The following DPP4 variants were observed in gnomAD, a reference collection of about 807,000 sequenced individuals.
The protein encoded by DPP4 is ADCP-2.
Under a neutral mutation model 122.4 loss-of-function variants are expected in DPP4, and 93 were observed. That is an observed-to-expected ratio of 0.76 (90% CI 0.64 to 0.90). The LOEUF (loss-of-function observed/expected upper bound fraction) is 0.90, where lower values mean the gene tolerates loss of function less well. Ranked by LOEUF, DPP4 falls within the 40% of genes least tolerant of loss-of-function variation. DPP4 has a pLI of 0.00. For missense variants in DPP4, 914 were observed against 907.3 expected, an observed-to-expected ratio of 1.01 and a Z score of -0.09; for synonymous variants, 321 against 302.9, an observed-to-expected ratio of 1.06 and a Z score of -0.62.
intron 18 of DPP4, among the ~76,000 whole-genome samples, chr2:162,016,450 G>A (rs1042321249): frequency 1.3e-5 from 2 of 152,146 alleles, no homozygotes; most frequent in African/African-American, 2.4e-5. Context: ...AAATATGCTA[G>A]GATGTCATTA....
At chr2:161,997,947 T>C (rs1283729876) in intron 23 of DPP4, among the ~76,000 whole-genome samples, 3 of 152,212 alleles carry the variant, frequency 2.0e-5, no homozygotes, top group Non-Finnish European at 4.4e-5. Flanking sequence ...CTGCTTATGA[T>C]GTGATCTTCT....
At chr2:161,997,372 T>A (rs921866534) in intron 23 of DPP4, among the ~76,000 whole-genome samples, 1 of 152,172 alleles carries the variant, frequency 6.6e-6, no homozygotes, top group African/African-American at 2.4e-5. Flanking sequence ...ATCTAGTCAA[T>A]CAATATTTAC....
rs184699101 is a variant in DPP4, at chr2:162,066,455, A to C, written c.94+6944T>G. 9.9e-5 allele frequency among the ~76,000 whole-genome samples: 15 copies of C among 151,334 alleles called. No homozygotes were observed. In the East Asian group the frequency reaches 2.9e-3, roughly 30 times the overall value. On this transcript the variant is annotated intron_variant, in intron 2 of 25. Coordinates refer to ENST00000360534, the MANE Select transcript of DPP4 (RefSeq NM_001935.4). ...AAATCATACTTGGAATAAGAGAGAA[A>C]CTCCTTTCTGTGTCTGCCGGTCCTC...
At chr2:162,073,176 A>G in intron 2 of DPP4, 2 of 452,330 alleles carry the variant, frequency 4.4e-6, no homozygotes, top group East Asian at 6.1e-5. Flanking sequence ...TATACATAAC[A>G]AGACGTGAAA....
chr2:162,015,288 C>T (rs2909451), intron 18 of DPP4, among the ~76,000 whole-genome samples: 29,292 of 151,880 alleles, frequency 0.19, 2,938 homozygotes, highest in Middle Eastern at 0.24. Flanking sequence ...ATGTTTGTTA[C>T]GATTATTTTA....
At chr2:162,038,244 T>C in intron 8 of DPP4, 58 bp downstream of exon 8, 1 of 1,441,186 alleles carries the variant, frequency 6.9e-7, no homozygotes, top group Non-Finnish European at 9.3e-7. Flanking sequence ...AAAAGAAACA[T>C]TTAACTATTT....
At chr2:162,051,502 G>A (rs903241347) in intron 2 of DPP4, among the ~76,000 whole-genome samples, 6 of 152,186 alleles carry the variant, frequency 3.9e-5, no homozygotes, top group Non-Finnish European at 7.3e-5. Context: ...AAATGTGCTC[G>A]TTACGGCACA....
At chr2:162,060,270 T>C (rs941883944) in intron 2 of DPP4, among the ~76,000 whole-genome samples, 2 of 152,214 alleles carry the variant, frequency 1.3e-5, no homozygotes, top group African/African-American at 4.8e-5. Context: ...TCCTTAGGAC[T>C]TGGGTCAGTT....
intron 15 of DPP4, 81 bp downstream of exon 15, chr2:162,019,142 C>G: frequency 7.7e-7 from 1 of 1,305,656 alleles, no homozygotes; most frequent in Non-Finnish European, 1.1e-6. Flanking sequence ...TTAGTTAGGA[C>G]AAGGCAAAAA....
intron 1 of DPP4, 21 bp from the exon 2 acceptor site, chr2:162,073,507 G>A: frequency 1.9e-6 from 3 of 1,612,232 alleles, no homozygotes; most frequent in Non-Finnish European, 2.5e-6. Context: ...AGCAGATCAA[G>A]TCCAATTAGA....
intron 2 of DPP4, among the ~76,000 whole-genome samples, chr2:162,070,401 G>A (rs1685076805): frequency 6.6e-6 from 1 of 152,098 alleles, no homozygotes; most frequent in Non-Finnish European, 1.5e-5. Context: ...ACATGGAAAT[G>A]CTTGACCTCT....
intron 2 of DPP4, among the ~76,000 whole-genome samples, chr2:162,066,602 T>C (rs1684955056): frequency 6.6e-6 from 1 of 152,232 alleles, no homozygotes; most frequent in African/African-American, 2.4e-5. Context: ...TTATCTATAC[T>C]GCTTAGGGCT....
At chr2:162,054,235 C>A (rs901619704) in intron 2 of DPP4, among the ~76,000 whole-genome samples, 2 of 152,206 alleles carry the variant, frequency 1.3e-5, no homozygotes, top group African/African-American at 4.8e-5. Context: ...TAGGCCTACC[C>A]CACCATTGTA....
At chr2:162,059,499 T>C (rs1259667192) in intron 2 of DPP4, among the ~76,000 whole-genome samples, 1 of 152,228 alleles carries the variant, frequency 6.6e-6, no homozygotes, top group Non-Finnish European at 1.5e-5. Context: ...TAGTTTCTCT[T>C]CACATATACT....
At chr2:162,067,064 T>C (rs73971566) in intron 2 of DPP4, among the ~76,000 whole-genome samples, 1 of 38,714 alleles carries the variant, frequency 2.6e-5, no homozygotes, top group Admixed American at 1.9e-4. Flanking sequence ...GCATTCAATA[T>C]ATGTTTTTGA....
At chr2:162,052,610 T>C (rs995579361) in intron 2 of DPP4, among the ~76,000 whole-genome samples, 5 of 151,998 alleles carry the variant, frequency 3.3e-5, no homozygotes, top group African/African-American at 9.7e-5. Context: ...AGAAATGGAG[T>C]GTTGCTGTTA....
At chr2:162,042,053 A>G (rs992953313) in intron 5 of DPP4, among the ~76,000 whole-genome samples, 5 of 152,164 alleles carry the variant, frequency 3.3e-5, no homozygotes, top group Non-Finnish European at 5.9e-5. Flanking sequence ...TGACTGGGAA[A>G]GAGTAAAAGA....
intron 5 of DPP4, 22 bp downstream of exon 5, chr2:162,045,510 A>G (rs1337144100): frequency 1.3e-6 from 2 of 1,533,920 alleles, no homozygotes; most frequent in South Asian, 1.1e-5. Flanking sequence ...TAAATGTTAC[A>G]GTAAGAAAGC....
In DPP4 at chr2:162,007,954, C is replaced by A. The variant is rs114189981; in HGVS notation, c.1987+608G>T. Among the ~76,000 whole-genome samples, 370 of 152,220 alleles carry A rather than the reference C, an allele frequency of 2.4e-3. 4 individuals are homozygous for A. The highest frequency in any genetic ancestry group is 8.3e-3 in the African/African-American group (346 of 41,540). ...AGAAGAGGTGCAGGAAAATCAATTA[C>A]CTCCTTACCACTTCTGAATCCCCCC... is the stretch of plus-strand genomic sequence containing the variant. On this transcript the variant is annotated intron_variant, in intron 22 of 25. Coordinates refer to ENST00000360534, the MANE Select transcript of DPP4 (RefSeq NM_001935.4).
Sources: allele counts gnomAD v4.1 joint callset (sites outside exome capture counted in the v4.1 genomes callset), GRCh38; gene constraint gnomAD v4.1.1; transcripts MANE v1.5; gene names NCBI Gene and HGNC (gene_info 2026-07-23, HGNC 2026-07-21).